The following MRC1 variants were observed in gnomAD, a reference collection of about 807,000 sequenced individuals.
MRC1 encodes mannose receptor C-type 1.
In MRC1, 62 loss-of-function variants were observed where a neutral mutation model predicts 102.9. The observed-to-expected ratio is 0.60, with a 90% CI of 0.49 to 0.74. MRC1 has a LOEUF of 0.74. Among genes scored for constraint, MRC1 ranks in the 30% least tolerant of loss-of-function variants. The pLI is 0.00. For missense variants in MRC1, 1,237 were observed against 862.8 expected (o/e 1.43, Z -5.43); for synonymous variants, 457 against 298.4 (o/e 1.53, Z -5.48).
intron 24 of MRC1, among the ~76,000 whole-genome samples, chr10:17,900,288 T>A (rs1833812284): frequency 6.6e-6 from 1 of 151,842 alleles, no homozygotes; most frequent in Non-Finnish European, 1.5e-5. Context: ...CTTCCATACC[T>A]CTCTTCCATG....
chr10:17,879,414 G>A (rs1833481731), intron 18 of MRC1, among the ~76,000 whole-genome samples: 7 of 152,174 alleles, frequency 4.6e-5, no homozygotes, highest in Admixed American at 4.6e-4. Flanking sequence ...GAGTGCAATG[G>A]TGCGATCTTG....
At chr10:17,826,861 T>A (rs2130598183) in intron 2 of MRC1, among the ~76,000 whole-genome samples, 2 of 152,350 alleles carry the variant, frequency 1.3e-5, no homozygotes, top group Admixed American at 1.3e-4. Context: ...TTTCTTTTCA[T>A]GATAGGGATT....
At chr10:17,838,125 A>C (rs894803774) in intron 4 of MRC1, among the ~76,000 whole-genome samples, 1 of 152,086 alleles carries the variant, frequency 6.6e-6, no homozygotes, top group Non-Finnish European at 1.5e-5. Flanking sequence ...AAAACAGCTG[A>C]ACTGGAATTC....
Position 17,829,553 on chromosome 10 carries a change from G to A in MRC1, c.637+1838G>A, listed in dbSNP as rs1019022480. Among the ~76,000 whole-genome samples the A allele has an allele frequency of 4.8e-4, 73 of 151,550 alleles. 3 individuals are homozygous for A. Among genetic ancestry groups the A allele is most frequent in the African/African-American group, 1.7e-3 (71 of 40,842 alleles). The stretch of plus-strand genomic sequence containing the variant: ...GAAAGACATTTGATTTCCATTCAAG[G>A]TTTTTAGATGTCGAATTTTGTATTC... On this transcript the variant is annotated intron_variant, in intron 3 of 29. Transcript: ENST00000569591.
intron 19 of MRC1, among the ~76,000 whole-genome samples, chr10:17,880,172 G>A (rs2130689905): frequency 6.6e-6 from 1 of 152,190 alleles, no homozygotes; most frequent in South Asian, 2.1e-4. Flanking sequence ...TCTATCAATT[G>A]TTGAGAAGAT....
At chr10:17,847,820 G>GTC (rs1838847976) in intron 6 of MRC1, among the ~76,000 whole-genome samples, 1 of 45,100 alleles carries the variant, frequency 2.2e-5, no homozygotes, top group Admixed American at 2.3e-4. Context: ...GTTTTTGAAG[G>GTC]ACAGCATTGG....
chr10:17,835,650 C>T (rs1838651323), intron 4 of MRC1, among the ~76,000 whole-genome samples: 1 of 152,214 alleles, frequency 6.6e-6, no homozygotes, highest in Admixed American at 6.5e-5. Context: ...TCTCACCAAA[C>T]ATTTGCTGAC....
chr10:17,829,377 G>A (rs1317809731), intron 3 of MRC1, among the ~76,000 whole-genome samples: 7 of 151,324 alleles, frequency 4.6e-5, no homozygotes, highest in Non-Finnish European at 1.5e-5. Flanking sequence ...TAATTTCTGA[G>A]CCCCATATAC....
chr10:17,858,825 G>A (rs1452541611), intron 9 of MRC1, among the ~76,000 whole-genome samples: 1 of 152,228 alleles, frequency 6.6e-6, no homozygotes, highest in Non-Finnish European at 1.5e-5. Context: ...CAGGCCCAGA[G>A]TGATTCTTTG....
At position 17,870,568 on chromosome 10, in the gene MRC1, A is replaced by C. The variant is rs1015267673; in HGVS notation, c.2111+195A>C. Among the ~76,000 whole-genome samples the C allele has an allele frequency of 7.4e-3, 1,129 of 152,284 alleles. 8 individuals carry two copies. Among genetic ancestry groups the C allele is most frequent in the African/African-American group, 0.026 (1,078 of 41,556 alleles). On this transcript the variant is annotated intron_variant, in intron 13 of 29. Transcript: ENST00000569591. Reference sequence around the variant, plus strand: ...TAATTTTATAAGTGTAAATTCTGCTATGACTTGGTCTATAAAAGTTCAAGA... The same window carrying C: ...TAATTTTATAAGTGTAAATTCTGCTCTGACTTGGTCTATAAAAGTTCAAGA...
chr10:17,829,988 T>C (rs1838544683), intron 3 of MRC1, among the ~76,000 whole-genome samples: 1 of 151,616 alleles, frequency 6.6e-6, no homozygotes, highest in Admixed American at 6.6e-5. Context: ...TGTAAAATAA[T>C]CGTAGAAAAT....
At chr10:17,809,649 C>T in intron 1 of MRC1, 123 bp downstream of exon 1, 1 of 790,762 alleles carries the variant, frequency 1.3e-6, no homozygotes, top group South Asian at 1.4e-5. Context: ...GGTTCCCCTG[C>T]ACCACGCAGT....
At chr10:17,890,700 A>G (rs1833659312) in intron 22 of MRC1, among the ~76,000 whole-genome samples, 1 of 152,152 alleles carries the variant, frequency 6.6e-6, no homozygotes, top group Non-Finnish European at 1.5e-5. Flanking sequence ...GTGTGTTTTT[A>G]AAAAATCTTT....
In MRC1 at chr10:17,910,317, A is replaced by G. The variant is rs904590588; in HGVS notation, c.4223A>G (p.Tyr1408Cys). The G allele has an allele frequency of 2.6e-5, 20 of 780,656 alleles. No individual in the cohort carries two copies. The highest frequency in any genetic ancestry group is 1.7e-5 in the African/African-American group (1 of 59,102). The allele number at this position is 780,656 out of a possible 1,614,324, so 48.4% of individuals were successfully genotyped here. ...LILTGAGLAA[Y>C]FFYKKRRVHL... ...TTAACGGGTGCTGGCCTTGCCGCCT[A>G]TTTCTTTTATAAGAAAAGACGTGTG... is the stretch of plus-strand genomic sequence containing the variant. Residue 1408 changes from tyrosine (Y) to cysteine (C), a missense_variant, in exon 30 of 30, where the codon TAT (tyrosine) becomes TGT (cysteine). Tyr to Cys is a radical substitution (Grantham distance 194). Transcript: ENST00000569591.
At chr10:17,833,624 G>A (rs1838615644) in intron 3 of MRC1, 51 bp from the exon 4 acceptor site, 1 of 780,766 alleles carries the variant, frequency 1.3e-6, no homozygotes, top group South Asian at 1.3e-5. Context: ...CTATTCACTG[G>A]AAGTGTTTTC....
At chr10:17,811,673 C>T (rs1838225027) in intron 1 of MRC1, among the ~76,000 whole-genome samples, 4 of 152,178 alleles carry the variant, frequency 2.6e-5, no homozygotes, top group East Asian at 1.9e-4. Context: ...AATCCTCCCA[C>T]CTTGGCCCAC....
intron 26 of MRC1, among the ~76,000 whole-genome samples, chr10:17,903,307 T>C (rs1026626947): frequency 1.3e-5 from 2 of 152,062 alleles, no homozygotes; most frequent in East Asian, 3.9e-4. Flanking sequence ...GTCCCCCTAT[T>C]CCTCTATTAC....
intron 7 of MRC1, among the ~76,000 whole-genome samples, chr10:17,851,380 A>AT (rs1165357105): frequency 2.0e-5 from 3 of 151,556 alleles, no homozygotes; most frequent in African/African-American, 7.3e-5. Context: ...AAACCTAGAA[A>AT]TTTTTTTTTA....
chr10:17,817,157 C>T (rs1021077445), intron 1 of MRC1, among the ~76,000 whole-genome samples: 10 of 148,746 alleles, frequency 6.7e-5, no homozygotes, highest in South Asian at 2.1e-4. Context: ...GGCTGAGGCA[C>T]GAGAATCGCT....
Sources: gnomAD v4.1 joint callset for allele counts (sites outside exome capture counted in the v4.1 genomes callset) on GRCh38, gnomAD v4.1.1 for gene constraint, MANE v1.5 for transcripts, NCBI Gene and HGNC (gene_info 2026-07-23, HGNC 2026-07-21) for gene names.